Variants in RNGTT observed in about 807,000 individuals in gnomAD.
RNGTT encodes the protein mRNA-capping enzyme.
A neutral mutation model predicts 79.3 loss-of-function variants in RNGTT; 33 were observed. That is an observed-to-expected ratio of 0.42 (90% CI 0.32 to 0.56). The LOEUF is 0.56. RNGTT is among the 20% of genes least tolerant of loss of function. RNGTT has a pLI of 0.17. For missense variants in RNGTT, 497 were observed against 739.1 expected (o/e 0.67, Z 3.80); for synonymous variants, 222 against 235.9 (o/e 0.94, Z 0.54).
At chr6:88,697,808 T>C (rs1775731359) in intron 13 of RNGTT, among the ~76,000 whole-genome samples, 1 of 149,430 alleles carries the variant, frequency 6.7e-6, no homozygotes, top group Non-Finnish European at 1.5e-5. Flanking sequence ...GGGGCAGAGG[T>C]TGCAGTAAGC....
At chr6:88,831,782 T>G (rs1407331959) in intron 11 of RNGTT, among the ~76,000 whole-genome samples, 1 of 152,108 alleles carries the variant, frequency 6.6e-6, no homozygotes, top group Non-Finnish European at 1.5e-5. Flanking sequence ...ACAAGCATTC[T>G]CATACACCAG....
intron 8 of RNGTT, among the ~76,000 whole-genome samples, chr6:88,876,400 G>A (rs1057322931): frequency 3.3e-5 from 5 of 152,098 alleles, no homozygotes; most frequent in Admixed American, 6.5e-5. Flanking sequence ...TGGGTGTGGC[G>A]GCACGCGCCT....
chr6:88,733,472 T>C (rs1474186947), intron 13 of RNGTT, among the ~76,000 whole-genome samples: 1 of 145,184 alleles, frequency 6.9e-6, no homozygotes, highest in Non-Finnish European at 1.5e-5. Flanking sequence ...GGTTTAAAAA[T>C]GTAACTAGAA....
intron 8 of RNGTT, among the ~76,000 whole-genome samples, chr6:88,887,539 C>T (rs1782907090): frequency 6.6e-6 from 1 of 152,130 alleles, no homozygotes; most frequent in African/African-American, 2.4e-5. Flanking sequence ...TCAATAAATA[C>T]TCAGGGTTTT....
At chr6:88,865,860 A>C (rs1376352969) in intron 8 of RNGTT, among the ~76,000 whole-genome samples, 1 of 152,136 alleles carries the variant, frequency 6.6e-6, no homozygotes, top group Non-Finnish European at 1.5e-5. Context: ...CACAATGGAA[A>C]ATTATCATTG....
chr6:88,949,159 G>GAAAAAAAAA lies in RNGTT; in HGVS notation c.65-7988_65-7980dup. ...AATAAAAAATAAAATAAAATAAAAT[G>GAAAAAAAAA]AAAAAAAAAAAAAAAAAAAGAAAAT... On this transcript the variant is annotated intron_variant, in intron 1 of 15. Transcript: ENST00000369485. Among the ~76,000 whole-genome samples, 348 of 50,516 alleles carry GAAAAAAAAA rather than the reference G, an allele frequency of 6.9e-3. 4 individuals carry two copies. The highest frequency in any genetic ancestry group is 9.7e-3 in the Non-Finnish European group (246 of 25,378). The allele number at this position is 50,516 out of a possible 152,430, so 33.1% of individuals were successfully genotyped here. A position where few individuals can be genotyped will look rare whatever the true frequency, so the allele number is the denominator to read the frequency against.
In RNGTT at chr6:88,963,567, G is replaced by A. The variant is rs920594148; in HGVS notation, c.-158C>T. On this transcript the variant is annotated 5_prime_UTR_variant, in exon 1 of 16. Transcript: ENST00000369485. ...CGATCCGGGTAACGTCAGGGGCGGC[G>A]CGCCACTTTCATTCAGGATCAACTC... is the stretch of plus-strand genomic sequence containing the variant. 1.6e-6 allele frequency: 1 copy of A among 626,554 alleles called. No individual in the cohort carries two copies. Among genetic ancestry groups the A allele is most frequent in the Non-Finnish European group, 2.6e-6 (1 of 389,020 alleles). 38.8% of individuals were successfully genotyped at this position (626,554 alleles called of 1,614,324 possible).
chr6:88,910,255 T>C (rs1441100194), intron 4 of RNGTT, among the ~76,000 whole-genome samples: 6 of 152,144 alleles, frequency 3.9e-5, no homozygotes, highest in Admixed American at 3.9e-4. Context: ...ATCCAAGATT[T>C]GGAATATAAC....
intron 2 of RNGTT, among the ~76,000 whole-genome samples, chr6:88,929,920 G>T (rs555361786): frequency 1.8e-4 from 25 of 140,976 alleles, no homozygotes; most frequent in Non-Finnish European, 3.0e-4. Flanking sequence ...ATATATACAC[G>T]TATATACATA....
chr6:88,842,224 T>C (rs1781316486), intron 11 of RNGTT, among the ~76,000 whole-genome samples: 1 of 152,158 alleles, frequency 6.6e-6, no homozygotes, highest in African/African-American at 2.4e-5. Flanking sequence ...AAACACCATG[T>C]ATAGTTTATA....
intron 12 of RNGTT, 116 bp downstream of exon 12, chr6:88,801,448 C>T: frequency 4.4e-6 from 3 of 679,300 alleles, no homozygotes; most frequent in African/African-American, 1.8e-5. Context: ...CAGCAGTAAT[C>T]AATCCCAAGT....
intron 12 of RNGTT, among the ~76,000 whole-genome samples, chr6:88,777,416 T>C (rs1778924980): frequency 6.6e-6 from 1 of 152,240 alleles, no homozygotes. Context: ...TTGCACCAAA[T>C]CTGTGTATCA....
rs536889713 is a variant in RNGTT at position 88,611,696 on chromosome 6, T to C, written c.*1023A>G. 6.5e-6 allele frequency: 1 copy of C among 152,762 alleles called. No individual in the cohort carries two copies. The highest frequency in any genetic ancestry group is 1.9e-4 in the East Asian group (1 of 5,190). 9.5% of individuals were successfully genotyped at this position (152,762 alleles called of 1,614,324 possible). ...GATGTCTACACTTTGCCTCTGCATT[T>C]ATCTAGCAGTGGGAGAGCATTTTCT... On this transcript the variant is annotated 3_prime_UTR_variant, in exon 16 of 16. Transcript: ENST00000369485.
chr6:88,915,147 G>T (rs199787598), intron 4 of RNGTT, among the ~76,000 whole-genome samples: 1 of 152,044 alleles, frequency 6.6e-6, no homozygotes, highest in Non-Finnish European at 1.5e-5. Flanking sequence ...AGAGAAAAGG[G>T]AATGCTTATA....
intron 14 of RNGTT, among the ~76,000 whole-genome samples, chr6:88,656,855 T>G (rs576011759): frequency 1.3e-5 from 2 of 151,532 alleles, no homozygotes; most frequent in African/African-American, 4.8e-5. Context: ...TTTGGGAGGC[T>G]GAGGCAGGAG....
chr6:88,899,949 C>T lies in RNGTT; in HGVS notation c.684+4766G>A, dbSNP rs887152330. Among the ~76,000 whole-genome samples the T allele has an allele frequency of 2.6e-5, 4 of 152,282 alleles. No homozygotes were observed. The East Asian group carries it at 5.8e-4, about 22-fold the overall frequency. The stretch of plus-strand genomic sequence containing the variant: ...ATAAGAGCAGAGCAAAAATAGACCA[C>T]TGCCCCAAAACTAAAGTCTAGTTTC... On this transcript the variant is annotated intron_variant, in intron 6 of 15. Coordinates refer to ENST00000369485, the MANE Select transcript of RNGTT (RefSeq NM_003800.5).
intron 1 of RNGTT, among the ~76,000 whole-genome samples, chr6:88,951,396 G>A (rs1785243437): frequency 6.6e-6 from 1 of 152,106 alleles, no homozygotes; most frequent in Admixed American, 6.5e-5. Flanking sequence ...CTCCACCCCT[G>A]AAGAAAGTTC....
chr6:88,658,740 G>A (rs1188752136), intron 14 of RNGTT, among the ~76,000 whole-genome samples: 2 of 152,234 alleles, frequency 1.3e-5, no homozygotes, highest in Non-Finnish European at 2.9e-5. Context: ...AAAGCAGGCA[G>A]AGGAACATGG....
chr6:88,789,549 G>T (rs1485932566), intron 12 of RNGTT, among the ~76,000 whole-genome samples: 1 of 152,160 alleles, frequency 6.6e-6, no homozygotes, highest in African/African-American at 2.4e-5. Context: ...GACAAAGCAA[G>T]ACTCTGTCTC....
Sources: gnomAD v4.1 joint callset for allele counts (sites outside exome capture counted in the v4.1 genomes callset) on GRCh38, gnomAD v4.1.1 for gene constraint, MANE v1.5 for transcripts, NCBI Gene and HGNC (gene_info 2026-07-23, HGNC 2026-07-21) for gene names.